The following PCDH7 variants were observed in gnomAD, a reference collection of about 807,000 sequenced individuals.
PCDH7 encodes protocadherin 7.
A neutral mutation model predicts 58.9 loss-of-function variants in PCDH7; 17 were observed. The observed-to-expected ratio is 0.29, with a 90% CI of 0.20 to 0.43. The LOEUF is 0.43. Ranked by LOEUF, PCDH7 falls within the 20% of genes least tolerant of loss-of-function variation. The probability of loss-of-function intolerance (pLI) is 1.00; values close to 1 mark genes in which losing one functional copy is unlikely to be tolerated. For synonymous variants in PCDH7, 664 were observed against 616.4 expected, an observed-to-expected ratio of 1.08 and a Z score of -1.14; for missense variants, 1,274 against 1,441.0, an observed-to-expected ratio of 0.88 and a Z score of 1.88.
At chr4:31,043,633 TTTTG>T (rs748232782) in intron 3 of PCDH7, among the ~76,000 whole-genome samples, 2 of 152,046 alleles carry the variant, frequency 1.3e-5, no homozygotes, top group African/African-American at 2.4e-5. Flanking sequence ...TAATGGGGTT[TTTTG>T]TTTGTTTGTT....
chr4:30,915,713 G>A (rs538641312), intron 1 of PCDH7, among the ~76,000 whole-genome samples: 1 of 151,992 alleles, frequency 6.6e-6, no homozygotes, highest in East Asian at 1.9e-4. Context: ...TGGTAGAGAC[G>A]GGGTTTCACC....
intron 1 of PCDH7, among the ~76,000 whole-genome samples, chr4:30,761,374 T>A (rs10021424): frequency 2.0e-5 from 3 of 151,886 alleles, no homozygotes; most frequent in African/African-American, 4.8e-5. Context: ...AAGTCACATA[T>A]GTAATTTTTA....
chr4:30,841,280 C>T (rs1173524933), intron 1 of PCDH7, among the ~76,000 whole-genome samples: 4 of 152,036 alleles, frequency 2.6e-5, no homozygotes, highest in Non-Finnish European at 5.9e-5. Context: ...TCACAATTTG[C>T]TTCCTAGTAA....
At chr4:30,830,908 C>T (rs539262866) in intron 1 of PCDH7, among the ~76,000 whole-genome samples, 52 of 152,234 alleles carry the variant, frequency 3.4e-4, no homozygotes, top group African/African-American at 1.1e-3. Context: ...CTTTCTTCTA[C>T]TTCAACTCAT....
At chr4:30,934,567 C>T (rs188565905) in intron 2 of PCDH7, among the ~76,000 whole-genome samples, 8 of 152,192 alleles carry the variant, frequency 5.3e-5, no homozygotes, top group Non-Finnish European at 8.8e-5. Flanking sequence ...TTCTAATAAT[C>T]TATTCCTTTG....
At chr4:30,863,811 A>AC (rs1015037798) in intron 1 of PCDH7, among the ~76,000 whole-genome samples, 2 of 151,926 alleles carry the variant, frequency 1.3e-5, no homozygotes, top group Non-Finnish European at 2.9e-5. Context: ...GTTTTTTCCA[A>AC]CCCCCAAGAG....
intron 1 of PCDH7, among the ~76,000 whole-genome samples, chr4:30,897,130 T>C (rs1445495838): frequency 6.6e-6 from 1 of 151,976 alleles, no homozygotes; most frequent in South Asian, 2.1e-4. Flanking sequence ...GTTCTTGATC[T>C]CCTGACCTCG....
chr4:30,740,062 G>T (rs565091253), intron 1 of PCDH7, among the ~76,000 whole-genome samples: 4 of 152,062 alleles, frequency 2.6e-5, no homozygotes, highest in African/African-American at 9.7e-5. Context: ...TTTAGTTTTC[G>T]AAGCAATGTG....
intron 1 of PCDH7, among the ~76,000 whole-genome samples, chr4:30,768,825 A>G (rs1721056278): frequency 6.6e-6 from 1 of 152,230 alleles, no homozygotes; most frequent in Admixed American, 6.5e-5. Flanking sequence ...GTAAGGACCA[A>G]CAGATGATGC....
At chr4:30,821,593 G>A (rs1728385066) in intron 1 of PCDH7, among the ~76,000 whole-genome samples, 1 of 152,192 alleles carries the variant, frequency 6.6e-6, no homozygotes, top group Admixed American at 6.5e-5. Flanking sequence ...AGGCGGGCCT[G>A]AAATCGGTAT....
chr4:30,993,561 A>G (rs1751630286), intron 3 of PCDH7, among the ~76,000 whole-genome samples: 1 of 152,190 alleles, frequency 6.6e-6, no homozygotes, highest in South Asian at 2.1e-4. Flanking sequence ...GTAACTGTCA[A>G]AAAACAGCAT....
At chr4:30,945,724 G>A (rs1746592820) in intron 2 of PCDH7, among the ~76,000 whole-genome samples, 1 of 151,854 alleles carries the variant, frequency 6.6e-6, no homozygotes, top group South Asian at 2.1e-4. Flanking sequence ...ACTTTAAAAG[G>A]AAATCAGGCA....
At chr4:30,944,074 A>G (rs1746385333) in intron 2 of PCDH7, among the ~76,000 whole-genome samples, 1 of 152,068 alleles carries the variant, frequency 6.6e-6, no homozygotes, top group Non-Finnish European at 1.5e-5. Flanking sequence ...AGTGATCTCA[A>G]AACTCCAGGA....
At chr4:30,969,993 C>T in intron 3 of PCDH7, among the ~76,000 whole-genome samples, 1 of 152,076 alleles carries the variant, frequency 6.6e-6, no homozygotes, top group Non-Finnish European at 1.5e-5. Context: ...TTAATGTAAT[C>T]AAGACTTAAC....
chr4:31,004,589 G>A (rs1752616760), intron 3 of PCDH7, among the ~76,000 whole-genome samples: 2 of 152,002 alleles, frequency 1.3e-5, no homozygotes, highest in Admixed American at 1.3e-4. Flanking sequence ...AGGAGGCTGA[G>A]GCACAAGAAT....
chr4:30,852,733 G>C (rs985575203), intron 1 of PCDH7, among the ~76,000 whole-genome samples: 5 of 150,384 alleles, frequency 3.3e-5, no homozygotes, highest in Non-Finnish European at 7.4e-5. Flanking sequence ...CAGCATTATT[G>C]GCCTCGGATG....
chr4:30,802,617 G>A (rs952846150), intron 1 of PCDH7, among the ~76,000 whole-genome samples: 2 of 152,038 alleles, frequency 1.3e-5, no homozygotes, highest in Admixed American at 6.6e-5. Flanking sequence ...AGATAAATTT[G>A]GAGATATAGA....
intron 3 of PCDH7, among the ~76,000 whole-genome samples, chr4:31,103,311 GA>G (rs1375330672): frequency 3.3e-5 from 5 of 151,774 alleles, no homozygotes; most frequent in Admixed American, 1.3e-4. Flanking sequence ...TAATTTTTTG[GA>G]AAATTTTCCC....
intron 2 of PCDH7, among the ~76,000 whole-genome samples, chr4:30,941,444 T>C (rs1417424146): frequency 6.6e-6 from 1 of 151,954 alleles, no homozygotes. Context: ...CAAAAGAATG[T>C]TTCCCAATTT....
Sources: allele counts gnomAD v4.1 joint callset (sites outside exome capture counted in the v4.1 genomes callset), GRCh38; gene constraint gnomAD v4.1.1; transcripts MANE v1.5; gene names NCBI Gene and HGNC (gene_info 2026-07-23, HGNC 2026-07-21).